Variants in TNRC6B observed in about 807,000 individuals in gnomAD.
The protein encoded by TNRC6B is trinucleotide repeat containing adaptor 6B, also known as trinucleotide repeat-containing gene 6B protein.
Under a neutral mutation model 203.6 loss-of-function variants are expected in TNRC6B, and 52 were observed. The ratio of observed to expected loss-of-function variants is 0.26; its 90% CI spans 0.20 to 0.32. The LOEUF is 0.32. TNRC6B is among the 10% of genes least tolerant of loss of function. TNRC6B has a pLI of 1.00. For missense variants in TNRC6B, 1,923 were observed against 2,286.2 expected, an observed-to-expected ratio of 0.84 and a Z score of 3.24; for synonymous variants, 838 against 845.7, an observed-to-expected ratio of 0.99 and a Z score of 0.16.
chr22:40,315,610 A>G, intron 20 of TNRC6B, 103 bp downstream of exon 20: 8 of 1,292,302 alleles, frequency 6.2e-6, no homozygotes, highest in Admixed American at 2.5e-5. Context: ...AGAGGAAGTC[A>G]TGGTTGTCTG....
rs553921380 is a variant in TNRC6B at position 40,046,653 on chromosome 22, T to C, written c.-121+1655T>C. Among the ~76,000 whole-genome samples, 27 of 149,546 alleles carry C rather than the reference T, an allele frequency of 1.8e-4. No homozygotes were observed. The East Asian group carries it at 4.1e-3, about 23-fold the overall frequency. ...TTTGAGACAGAGTCTCAATTTTTTT[T>C]TTTTTTTTTGAGACAGAGTCTCAAA... On this transcript the variant is annotated intron_variant, in intron 1 of 23. Transcript: ENST00000301923.
At chr22:40,124,594 G>A (rs1021396702) in intron 2 of TNRC6B, among the ~76,000 whole-genome samples, 1 of 152,094 alleles carries the variant, frequency 6.6e-6, no homozygotes, top group Non-Finnish European at 1.5e-5. Context: ...TGGGATTATA[G>A]GCATGAGCCA....
chr22:40,128,278 C>A (rs533453544), intron 3 of TNRC6B, among the ~76,000 whole-genome samples: 43 of 152,222 alleles, frequency 2.8e-4, no homozygotes, highest in African/African-American at 9.9e-4. Flanking sequence ...CATTCTCCTC[C>A]TCCGAGGGTG....
At chr22:40,149,473 C>A (rs1400789590) in intron 3 of TNRC6B, among the ~76,000 whole-genome samples, 1 of 151,946 alleles carries the variant, frequency 6.6e-6, no homozygotes, top group African/African-American at 2.4e-5. Flanking sequence ...TTGAGACCAG[C>A]CTGGCCAATA....
chr22:40,093,211 A>G lies in TNRC6B; in HGVS notation c.-120-23844A>G, dbSNP rs115693792. Among the ~76,000 whole-genome samples, 852 of 152,368 alleles carry G rather than the reference A, an allele frequency of 5.6e-3. 9 individuals are homozygous for G. The highest frequency in any genetic ancestry group is 0.02 in the African/African-American group (814 of 41,586). ...GTAGACAAGTCTAATCTTAAAGCAA[A>G]TTAGACACAAGTGAAGCAGGACTTA... is the stretch of plus-strand genomic sequence containing the variant. On this transcript the variant is annotated intron_variant, in intron 1 of 23. Transcript: ENST00000301923.
intron 1 of TNRC6B, among the ~76,000 whole-genome samples, chr22:40,059,815 GTTTTTTTTT>G (rs764365612): frequency 4.0e-5 from 5 of 126,180 alleles, no homozygotes; most frequent in African/African-American, 5.9e-5. Context: ...ATAGAGTTTG[GTTTTTTTTT>G]TTTTTTTTTT....
rs1231105151 is a variant in TNRC6B at position 40,119,128 on chromosome 22, C to A, written c.-47+2000C>A. On this transcript the variant is annotated intron_variant, in intron 2 of 23. Transcript: ENST00000301923. ...TTGGCAATTTTCCTGGAAGAACTTG[C>A]ACAGGTACTGTAGGACATTACTTGT... 2.0e-5 allele frequency among the ~76,000 whole-genome samples: 3 copies of A among 152,274 alleles called. 1 individual carries two copies. The highest frequency in any genetic ancestry group is 4.1e-4 in the South Asian group (2 of 4,828).
At chr22:40,303,265 A>G (rs2071049240) in intron 15 of TNRC6B, among the ~76,000 whole-genome samples, 1 of 151,854 alleles carries the variant, frequency 6.6e-6, no homozygotes, top group African/African-American at 2.4e-5. Context: ...ACCTCAGGTG[A>G]TCTGCCCACC....
chr22:40,216,456 G>A (rs905469109), intron 1 of TNRC6B, among the ~76,000 whole-genome samples: 18 of 152,034 alleles, frequency 1.2e-4, no homozygotes, highest in African/African-American at 3.9e-4. Context: ...ATATATGCTC[G>A]ATAAATATTT....
intron 1 of TNRC6B, among the ~76,000 whole-genome samples, chr22:40,229,514 A>T (rs2146448026): frequency 6.6e-6 from 1 of 151,482 alleles, no homozygotes; most frequent in East Asian, 1.9e-4. Flanking sequence ...TGACATTTAC[A>T]ATGCGGTAAG....
chr22:40,321,052 C>T (rs200939404), intron 21 of TNRC6B, 38 bp from the exon 22 acceptor site: 69 of 1,609,568 alleles, frequency 4.3e-5, no homozygotes, highest in Non-Finnish European at 5.3e-5. Context: ...TTCCACCCCA[C>T]CTCCAGTCTT....
chr22:40,105,202 C>T (rs1404790046), intron 1 of TNRC6B, among the ~76,000 whole-genome samples: 1 of 152,122 alleles, frequency 6.6e-6, no homozygotes, highest in East Asian at 1.9e-4. Flanking sequence ...ATTTGGGTTC[C>T]GTGATCTAAT....
At chr22:40,196,052 C>T (rs1423970134) in intron 1 of TNRC6B, among the ~76,000 whole-genome samples, 1 of 149,900 alleles carries the variant, frequency 6.7e-6, no homozygotes, top group South Asian at 2.1e-4. Flanking sequence ...CCTGGGATTA[C>T]AGGTGTGAGC....
intron 12 of TNRC6B, among the ~76,000 whole-genome samples, chr22:40,289,858 C>T (rs968663130): frequency 6.6e-5 from 10 of 152,222 alleles, no homozygotes; most frequent in African/African-American, 2.4e-4. Context: ...GATCTCACCC[C>T]ACACTGCCCT....
At chr22:40,302,909 C>T (rs1487851739) in intron 15 of TNRC6B, among the ~76,000 whole-genome samples, 1 of 152,156 alleles carries the variant, frequency 6.6e-6, no homozygotes, top group Admixed American at 6.5e-5. Context: ...TTTTCTTGCA[C>T]TTGATATAGA....
chr22:40,273,273 C>G (rs1244590561), intron 6 of TNRC6B, among the ~76,000 whole-genome samples, 152 bp from the exon 7 acceptor site: 2 of 152,170 alleles, frequency 1.3e-5, no homozygotes, highest in African/African-American at 2.4e-5. Flanking sequence ...GTTTCCTGCT[C>G]TCTAAAAAAT....
At position 40,102,198 on chromosome 22, in the gene TNRC6B, C is replaced by T. The variant is rs535547931; in HGVS notation, c.-120-14857C>T. On this transcript the variant is annotated intron_variant, in intron 1 of 23. Transcript: ENST00000301923. ...CTTTCTGATTTACCTTTTTCTTATG[C>T]TTGCTGTTGGACAAAAACAAGGAGG... is the stretch of plus-strand genomic sequence containing the variant. Among the ~76,000 whole-genome samples, 65 of 152,162 alleles carry T rather than the reference C, an allele frequency of 4.3e-4. No homozygotes were observed. The South Asian group carries it at 0.013, about 31-fold the overall frequency.
chr22:40,137,827 T>C (rs60512053), intron 3 of TNRC6B, among the ~76,000 whole-genome samples: 6,748 of 151,810 alleles, frequency 0.044, 510 homozygotes, highest in African/African-American at 0.15. Flanking sequence ...CTACTAAAAA[T>C]ACAAAAATTA....
chr22:40,177,235 C>A (rs2069071816), upstream of TNRC6B, among the ~76,000 whole-genome samples: 1 of 152,126 alleles, frequency 6.6e-6, no homozygotes, highest in Non-Finnish European at 1.5e-5. Flanking sequence ...CTCAGACCTG[C>A]CCTAGCCCAG....
Sources: allele counts gnomAD v4.1 joint callset (sites outside exome capture counted in the v4.1 genomes callset), GRCh38; gene constraint gnomAD v4.1.1; transcripts MANE v1.5; gene names NCBI Gene and HGNC (gene_info 2026-07-23, HGNC 2026-07-21).